The following CAST variants were observed in gnomAD, a reference collection of about 807,000 sequenced individuals.
CAST encodes the protein calpastatin, also known as MIR583 host.
In CAST, 76 loss-of-function variants were observed where a neutral mutation model predicts 119.6. The ratio of observed to expected loss-of-function variants is 0.64; its 90% confidence interval spans 0.53 to 0.77. The LOEUF is 0.77. Ranked by LOEUF, CAST falls within the 30% of genes least tolerant of loss-of-function variation. CAST has a pLI of 0.00. For missense variants in CAST, 953 were observed against 946.5 expected, an observed-to-expected ratio of 1.01 and a Z score of -0.09; for synonymous variants, 319 against 331.6, an observed-to-expected ratio of 0.96 and a Z score of 0.41.
At chr5:96,425,094 C>A in the CAST span, among the ~76,000 whole-genome samples, 1 of 151,592 alleles carries the variant, frequency 6.6e-6, no homozygotes, top group African/African-American at 2.4e-5. Context: ...TCAAGAGAAA[C>A]TGATCCCCTT....
chr5:96,084,800 G>C, the CAST span, among the ~76,000 whole-genome samples: 13 of 152,282 alleles, frequency 8.5e-5, no homozygotes, highest in African/African-American at 2.9e-4. Flanking sequence ...TCCAGCCCTT[G>C]GCTAGAGGAG....
At chr5:96,013,284 T>C in the CAST span, among the ~76,000 whole-genome samples, 7 of 151,432 alleles carry the variant, frequency 4.6e-5, no homozygotes, top group African/African-American at 1.7e-4. Flanking sequence ...TAAATAGACA[T>C]ACATATATAA....
chr5:96,005,089 T>C, the CAST span, among the ~76,000 whole-genome samples: 2 of 152,204 alleles, frequency 1.3e-5, no homozygotes, highest in Non-Finnish European at 2.9e-5. Flanking sequence ...TAATCAGTTG[T>C]GAGGGCAGAA....
At chr5:96,235,032 G>T in the CAST span, among the ~76,000 whole-genome samples, 1 of 152,086 alleles carries the variant, frequency 6.6e-6, no homozygotes, top group Non-Finnish European at 1.5e-5. Flanking sequence ...TTAGCAAGAG[G>T]CAAATGGAAA....
the CAST span, chr5:95,961,808 G>A: frequency 6.9e-7 from 1 of 1,453,420 alleles, no homozygotes; most frequent in Non-Finnish European, 9.1e-7. Flanking sequence ...TGCAGCCGCC[G>A]CCACTGCTAG....
chr5:96,411,045 T>C, the CAST span: 1 of 1,213,654 alleles, frequency 8.2e-7, no homozygotes, highest in Non-Finnish European at 1.2e-6. Flanking sequence ...CATTGTTATA[T>C]CCCAATAAAA....
At chr5:96,181,053 C>A in the CAST span, among the ~76,000 whole-genome samples, 1 of 152,148 alleles carries the variant, frequency 6.6e-6, no homozygotes, top group East Asian at 1.9e-4. Flanking sequence ...ATTTTTTAAA[C>A]CATTTTATGG....
chr5:96,513,213 A>G, the CAST span, among the ~76,000 whole-genome samples: 1 of 152,218 alleles, frequency 6.6e-6, no homozygotes, highest in South Asian at 2.1e-4. Context: ...AATTTATCCC[A>G]GTTTTTGCAT....
the CAST span, chr5:96,432,973 T>A: frequency 1.2e-6 from 2 of 1,614,224 alleles, no homozygotes; most frequent in Non-Finnish European, 1.7e-6. Context: ...GCTTTTGCAC[T>A]GTTCAGTGCA....
intron 1 of CAST, among the ~76,000 whole-genome samples, chr5:96,616,345 C>G (rs1287688485): frequency 6.6e-6 from 1 of 152,128 alleles, no homozygotes; most frequent in Non-Finnish European, 1.5e-5. Flanking sequence ...GGAGCCCCTC[C>G]CTTAACCCTT....
At chr5:96,199,439 C>T in the CAST span, among the ~76,000 whole-genome samples, 6 of 152,122 alleles carry the variant, frequency 3.9e-5, no homozygotes, top group South Asian at 8.3e-4. Context: ...TGAAAGTGAC[C>T]GAACACAGCT....
At chr5:96,386,385 T>G in the CAST span, among the ~76,000 whole-genome samples, 1 of 152,212 alleles carries the variant, frequency 6.6e-6, no homozygotes, top group African/African-American at 2.4e-5. Flanking sequence ...TGCAGTTCAG[T>G]CTACACTGGT....
chr5:96,075,882 G>A, the CAST span, among the ~76,000 whole-genome samples: 6 of 152,054 alleles, frequency 3.9e-5, no homozygotes, highest in African/African-American at 1.4e-4. Context: ...TTTTCCCTTG[G>A]GAGTTTGTCA....
the CAST span, among the ~76,000 whole-genome samples, chr5:96,507,211 C>T: frequency 3.9e-5 from 6 of 152,090 alleles, no homozygotes; most frequent in East Asian, 7.7e-4. Flanking sequence ...GCTGCATTCA[C>T]GTCGGGGAGA....
At chr5:96,580,319 C>A (rs190584393) in intron 1 of CAST, among the ~76,000 whole-genome samples, 97 of 152,172 alleles carry the variant, frequency 6.4e-4, no homozygotes, top group African/African-American at 2.3e-3. Context: ...AATTTAATGA[C>A]GATAATGACA....
chr5:95,995,028 C>G, the CAST span, among the ~76,000 whole-genome samples: 1 of 152,062 alleles, frequency 6.6e-6, no homozygotes, highest in Non-Finnish European at 1.5e-5. Context: ...ACCATTCTAT[C>G]CTGAGGATCT....
At chr5:96,078,395 A>G in the CAST span, among the ~76,000 whole-genome samples, 35 of 142,660 alleles carry the variant, frequency 2.5e-4, no homozygotes, top group African/African-American at 8.3e-4. Context: ...ACATCTGATC[A>G]AGCTTTTTTT....
At chr5:96,597,896 G>T (rs1747080577) in intron 1 of CAST, among the ~76,000 whole-genome samples, 1 of 151,480 alleles carries the variant, frequency 6.6e-6, no homozygotes, top group African/African-American at 2.4e-5. Flanking sequence ...ATCTGGAGGG[G>T]TGGAAGAAGA....
chr5:96,419,857 G>A, the CAST span, among the ~76,000 whole-genome samples: 18 of 152,174 alleles, frequency 1.2e-4, no homozygotes, highest in Non-Finnish European at 2.2e-4. Context: ...TTTGAGGAAG[G>A]TCTGAGTGTT....
Sources: gnomAD v4.1 joint callset for allele counts (sites outside exome capture counted in the v4.1 genomes callset) on GRCh38, gnomAD v4.1.1 for gene constraint, MANE v1.5 for transcripts, NCBI Gene and HGNC (gene_info 2026-07-23, HGNC 2026-07-21) for gene names.